Variants in PLXNA4 observed in about 807,000 individuals in gnomAD.
The protein encoded by PLXNA4 is plexin A4, also known as plexin-A4.
In PLXNA4, 44 loss-of-function variants were observed where a neutral mutation model predicts 191.8. The ratio of observed to expected loss-of-function variants is 0.23; its 90% CI spans 0.18 to 0.29. The LOEUF is 0.29. Among genes scored for constraint, PLXNA4 ranks in the 10% least tolerant of loss-of-function variants. PLXNA4 has a pLI of 1.00. For missense variants in PLXNA4, 1,800 were observed against 2,488.8 expected (o/e 0.72, Z 5.89); for synonymous variants, 1,082 against 1,009.5 (o/e 1.07, Z -1.36).
At chr7:132,296,580 T>C (rs1187167308) in intron 4 of PLXNA4, among the ~76,000 whole-genome samples, 1 of 152,124 alleles carries the variant, frequency 6.6e-6, no homozygotes, top group East Asian at 1.9e-4. Flanking sequence ...GCTCCGTTTA[T>C]ATTTTCCGTC....
intron 10 of PLXNA4, among the ~76,000 whole-genome samples, chr7:132,208,958 G>A (rs1191763198): frequency 6.6e-6 from 1 of 152,154 alleles, no homozygotes; most frequent in Admixed American, 6.6e-5. Context: ...GGACTCATTT[G>A]GTCAGGCAGC....
chr7:132,163,377 T>C (rs180940520), intron 24 of PLXNA4, among the ~76,000 whole-genome samples: 10 of 152,360 alleles, frequency 6.6e-5, no homozygotes, highest in Admixed American at 5.9e-4. Flanking sequence ...AACTTCACTC[T>C]GAGCAACTAT....
intron 14 of PLXNA4, among the ~76,000 whole-genome samples, chr7:132,191,790 C>CTCTCTCTCTCTCTCTCTCTG (rs1428800606): frequency 1.7e-4 from 26 of 151,450 alleles, no homozygotes; most frequent in African/African-American, 6.3e-4. Context: ...CTCTCTCTCT[C>CTCTCTCTCTCTCTCTCTCTG]TCTCTGTCTC....
chr7:132,201,411 A>T (rs534452531), intron 12 of PLXNA4, among the ~76,000 whole-genome samples: 1 of 152,322 alleles, frequency 6.6e-6, no homozygotes, highest in African/African-American at 2.4e-5. Context: ...GCATCACACA[A>T]ATATATGGCC....
intron 3 of PLXNA4, among the ~76,000 whole-genome samples, chr7:132,457,930 G>A (rs1182809731): frequency 1.3e-5 from 2 of 152,188 alleles, no homozygotes; most frequent in African/African-American, 4.8e-5. Flanking sequence ...GGCCTTGTGC[G>A]CACCTTGGTT....
At chr7:132,401,750 A>G (rs1793994058) in intron 3 of PLXNA4, among the ~76,000 whole-genome samples, 1 of 152,170 alleles carries the variant, frequency 6.6e-6, no homozygotes, top group Admixed American at 6.5e-5. Context: ...AGGAGTGAAG[A>G]TGGATAAAAC....
intron 4 of PLXNA4, among the ~76,000 whole-genome samples, chr7:132,281,962 T>C (rs1401039468): frequency 6.6e-6 from 1 of 152,158 alleles, no homozygotes; most frequent in African/African-American, 2.4e-5. Flanking sequence ...ATTGCAAATT[T>C]GTTGTAGTAT....
intron 24 of PLXNA4, among the ~76,000 whole-genome samples, chr7:132,160,196 C>T (rs1486259790): frequency 6.6e-6 from 1 of 152,188 alleles, no homozygotes; most frequent in East Asian, 1.9e-4. Context: ...AGGTTTCATT[C>T]ACCTGATTAG....
At chr7:132,434,422 G>A (rs543417171) in intron 3 of PLXNA4, among the ~76,000 whole-genome samples, 3 of 152,208 alleles carry the variant, frequency 2.0e-5, no homozygotes, top group Non-Finnish European at 4.4e-5. Context: ...TGAACACTCT[G>A]TGCATGCTAT....
intron 3 of PLXNA4, among the ~76,000 whole-genome samples, chr7:132,452,047 G>T (rs1001731574): frequency 6.6e-6 from 1 of 152,246 alleles, no homozygotes; most frequent in African/African-American, 2.4e-5. Context: ...AAAAAGGGAT[G>T]CTGGAAGGAC....
intron 3 of PLXNA4, among the ~76,000 whole-genome samples, chr7:132,325,175 C>T (rs916834409): frequency 1.7e-4 from 26 of 152,148 alleles, no homozygotes; most frequent in African/African-American, 6.0e-4. Flanking sequence ...ATTTTACCAC[C>T]CAACTGTTCA....
At chr7:132,498,019 C>G (rs1047038579) in intron 2 of PLXNA4, among the ~76,000 whole-genome samples, 2 of 152,076 alleles carry the variant, frequency 1.3e-5, no homozygotes, top group Middle Eastern at 3.2e-3. Context: ...AAAAACAACC[C>G]AACAAATTAT....
intron 25 of PLXNA4, among the ~76,000 whole-genome samples, chr7:132,157,867 T>A (rs988553163): frequency 1.3e-5 from 2 of 152,230 alleles, no homozygotes; most frequent in Non-Finnish European, 2.9e-5. Flanking sequence ...CCAGGAACTG[T>A]TCTCTCTCCC....
intron 3 of PLXNA4, among the ~76,000 whole-genome samples, chr7:132,338,338 C>T (rs1326554923): frequency 6.6e-6 from 1 of 152,136 alleles, no homozygotes; most frequent in African/African-American, 2.4e-5. Context: ...CAGTGAGCTC[C>T]CCCAAACTTA....
At chr7:132,562,687 C>T (rs1315783437) in intron 1 of PLXNA4, among the ~76,000 whole-genome samples, 5 of 105,418 alleles carry the variant, frequency 4.7e-5, no homozygotes, top group Admixed American at 1.8e-4. Context: ...CTCCTCTCCT[C>T]CTTTTCCTCC....
intron 2 of PLXNA4, among the ~76,000 whole-genome samples, chr7:132,600,540 T>C (rs532100167): frequency 1.1e-4 from 17 of 152,038 alleles, no homozygotes; most frequent in Non-Finnish European, 2.2e-4. Flanking sequence ...TTATTTTTTA[T>C]TTTTTGTAGA....
chr7:132,310,909 C>T (rs1801704543), intron 3 of PLXNA4, among the ~76,000 whole-genome samples: 1 of 152,210 alleles, frequency 6.6e-6, no homozygotes, highest in Admixed American at 6.5e-5. Flanking sequence ...AGAGGTGCAA[C>T]TTCCCAGAAG....
At position 132,174,865 on chromosome 7, in the gene PLXNA4, G is replaced by A. The variant is rs201073381; in HGVS notation, c.3930C>T (p.Ala1310=). The A allele has an allele frequency of 2.8e-5, 46 of 1,614,176 alleles. No individual in the cohort carries two copies. Among genetic ancestry groups the A allele is most frequent in the Admixed American group, 1.7e-4 (10 of 60,026 alleles). The change falls in exon 21 of 32, where the codon GCC becomes GCT. Residue 1310 remains alanine, a synonymous_variant. Transcript: ENST00000321063. ...TTCTATAGTCCAGGAACGGAATCCC[G>A]GCTCCATCCAGGTCACTGGTCAGCT... ...IHELTSDLDG[A]GIPFLDYRTY... is the part of the protein sequence containing the mutation.
intron 4 of PLXNA4, among the ~76,000 whole-genome samples, chr7:132,280,698 C>T (rs376466590): frequency 1.1e-4 from 17 of 151,948 alleles, no homozygotes; most frequent in African/African-American, 3.1e-4. Flanking sequence ...TCCTTTGCAC[C>T]GTGGGTTCTA....
Sources: allele counts gnomAD v4.1 joint callset (sites outside exome capture counted in the v4.1 genomes callset), GRCh38; gene constraint gnomAD v4.1.1; transcripts MANE v1.5; gene names NCBI Gene and HGNC (gene_info 2026-07-23, HGNC 2026-07-21).